MSRA: variants seen among roughly 807,000 people sequenced by gnomAD.
MSRA encodes the protein methionine sulfoxide reductase A.
MSRA carries 54 observed loss-of-function variants against 31.3 expected under a neutral mutation model. The ratio of observed to expected loss-of-function variants is 1.73; its 90% CI spans 1.39 to 2.17. The LOEUF is 2.17. MSRA is among the 30% of genes most tolerant of loss of function. The pLI is 0.00. For missense variants in MSRA, 507 were observed against 300.9 expected (o/e 1.69, Z -5.07); for synonymous variants, 169 against 116.5 (o/e 1.45, Z -2.90).
At chr8:10,132,629 G>A (rs1047605401) in intron 1 of MSRA, among the ~76,000 whole-genome samples, 2 of 152,158 alleles carry the variant, frequency 1.3e-5, no homozygotes, top group African/African-American at 4.8e-5. Context: ...AAAGCAGGCT[G>A]TCCTATAAGG....
intron 4 of MSRA, among the ~76,000 whole-genome samples, chr8:10,307,306 A>G (rs1585422645): frequency 6.6e-6 from 1 of 152,024 alleles, no homozygotes; most frequent in African/African-American, 2.4e-5. Flanking sequence ...AGCTAGGATG[A>G]CAGGTGCACG....
At chr8:10,278,610 T>C (rs1799451052) in intron 3 of MSRA, among the ~76,000 whole-genome samples, 1 of 152,226 alleles carries the variant, frequency 6.6e-6, no homozygotes, top group African/African-American at 2.4e-5. Flanking sequence ...ACCTCACGTC[T>C]GCTCACATTC....
chr8:10,063,973 G>T (rs541619855), intron 1 of MSRA, among the ~76,000 whole-genome samples: 1 of 152,300 alleles, frequency 6.6e-6, no homozygotes, highest in East Asian at 1.9e-4. Flanking sequence ...TTTCAGCTTA[G>T]ATTGCTCTTA....
chr8:10,357,130 A>T (rs1020769132), intron 5 of MSRA, among the ~76,000 whole-genome samples: 6 of 152,206 alleles, frequency 3.9e-5, no homozygotes, highest in Non-Finnish European at 7.3e-5. Context: ...CGGCAAACCT[A>T]CACCATGTGG....
At chr8:10,089,651 C>T (rs370083641) in intron 1 of MSRA, among the ~76,000 whole-genome samples, 2 of 152,154 alleles carry the variant, frequency 1.3e-5, no homozygotes, top group East Asian at 3.9e-4. Context: ...CTTTTTCCTT[C>T]ACAGTTCTGC....
chr8:10,200,216 C>T (rs561301324), intron 1 of MSRA, among the ~76,000 whole-genome samples: 3 of 152,242 alleles, frequency 2.0e-5, no homozygotes, highest in East Asian at 1.9e-4. Context: ...GGGTTGACTG[C>T]GGGGAGGCCG....
At chr8:10,201,476 C>T (rs1300853796) in intron 1 of MSRA, among the ~76,000 whole-genome samples, 2 of 152,124 alleles carry the variant, frequency 1.3e-5, no homozygotes, top group Non-Finnish European at 1.5e-5. Flanking sequence ...CACCCAGTCC[C>T]CACTGCTTTC....
At chr8:10,417,719 A>G (rs1045969193) in intron 5 of MSRA, among the ~76,000 whole-genome samples, 37 of 118,690 alleles carry the variant, frequency 3.1e-4, no homozygotes, top group Admixed American at 5.2e-4. Flanking sequence ...AAAATAGCTG[A>G]CTGGGGCATT....
intron 1 of MSRA, among the ~76,000 whole-genome samples, chr8:10,169,551 TTG>T (rs958503774): frequency 6.6e-6 from 1 of 152,204 alleles, no homozygotes; most frequent in African/African-American, 2.4e-5. Context: ...CTCTGTGACT[TTG>T]TGTTAGGCAA....
At chr8:10,406,330 A>T (rs1295526159) in intron 5 of MSRA, among the ~76,000 whole-genome samples, 1 of 152,126 alleles carries the variant, frequency 6.6e-6, no homozygotes, top group Non-Finnish European at 1.5e-5. Flanking sequence ...AAATGAGGCT[A>T]TTTGCTTCTT....
chr8:10,404,499 G>T (rs538940276), intron 5 of MSRA, among the ~76,000 whole-genome samples: 2 of 152,202 alleles, frequency 1.3e-5, no homozygotes, highest in Admixed American at 6.5e-5. Context: ...GCATTCCTGC[G>T]GGGTGGCCCT....
chr8:10,113,887 G>A (rs1800482004), intron 1 of MSRA, among the ~76,000 whole-genome samples: 1 of 151,958 alleles, frequency 6.6e-6, no homozygotes, highest in African/African-American at 2.4e-5. Context: ...AAATTGTGTG[G>A]CCATCACCAC....
chr8:10,220,600 G>A (rs1208891365), intron 2 of MSRA, among the ~76,000 whole-genome samples: 3 of 152,150 alleles, frequency 2.0e-5, no homozygotes, highest in African/African-American at 7.2e-5. Context: ...TCGCATTCAT[G>A]TTTTTATGTG....
chr8:10,252,034 A>T (rs1185848455), intron 3 of MSRA, among the ~76,000 whole-genome samples: 1 of 152,222 alleles, frequency 6.6e-6, no homozygotes, highest in Non-Finnish European at 1.5e-5. Context: ...GTAAGATTCA[A>T]GCTGCTTGGA....
chr8:10,242,859 C>T (rs1797408147), intron 2 of MSRA, among the ~76,000 whole-genome samples: 1 of 152,152 alleles, frequency 6.6e-6, no homozygotes, highest in Non-Finnish European at 1.5e-5. Flanking sequence ...TCACATTCCT[C>T]TCCAGAAATG....
chr8:10,369,358 GC>G (rs35458408), intron 5 of MSRA, among the ~76,000 whole-genome samples: 33,470 of 151,810 alleles, frequency 0.22, 4,937 homozygotes, highest in African/African-American at 0.43. Context: ...TGGCACTACT[GC>G]CCCCCTAATG....
chr8:10,353,105 A>G (rs1265075862), intron 5 of MSRA, among the ~76,000 whole-genome samples: 1 of 152,180 alleles, frequency 6.6e-6, no homozygotes, highest in Non-Finnish European at 1.5e-5. Flanking sequence ...CTGTAACCAC[A>G]GGCCTGAGCC....
At chr8:10,209,254 T>C (rs938426705) in intron 2 of MSRA, among the ~76,000 whole-genome samples, 1 of 152,226 alleles carries the variant, frequency 6.6e-6, no homozygotes, top group Non-Finnish European at 1.5e-5. Flanking sequence ...CATATATCAA[T>C]GTTCAAAGGG....
At chr8:10,427,657 G>T (rs188392989) in intron 5 of MSRA, among the ~76,000 whole-genome samples, 55 of 152,290 alleles carry the variant, frequency 3.6e-4, no homozygotes, top group Admixed American at 2.4e-3. Context: ...GGGCAGATGC[G>T]ATAGTGCCAG....
Sources: gnomAD v4.1 joint callset for allele counts (sites outside exome capture counted in the v4.1 genomes callset) on GRCh38, gnomAD v4.1.1 for gene constraint, MANE v1.5 for transcripts, NCBI Gene and HGNC (gene_info 2026-07-23, HGNC 2026-07-21) for gene names.